The following GRID2IP variants were observed in gnomAD, a reference collection of about 807,000 sequenced individuals.
GRID2IP encodes the protein delphilin.
GRID2IP carries 78 observed loss-of-function variants against 114.3 expected under a neutral mutation model. The ratio of observed to expected loss-of-function variants is 0.68; its 90% CI spans 0.57 to 0.82. The LOEUF (loss-of-function observed/expected upper bound fraction) is 0.82. GRID2IP is among the 40% of genes least tolerant of loss of function. The probability of loss-of-function intolerance (pLI) is 0.00; values close to 1 mark genes in which losing one functional copy is unlikely to be tolerated. For synonymous variants in GRID2IP, 809 were observed against 724.0 expected (o/e 1.12, Z -1.89); for missense variants, 1,727 against 1,678.5 (o/e 1.03, Z -0.51).
intron 1 of GRID2IP, among the ~76,000 whole-genome samples, chr7:6,549,655 C>T (rs759465519): frequency 6.6e-6 from 1 of 152,150 alleles, no homozygotes; most frequent in Non-Finnish European, 1.5e-5. Flanking sequence ...GAGTCTCACT[C>T]TGTCACTCAG....
intron 1 of GRID2IP, among the ~76,000 whole-genome samples, chr7:6,549,580 G>A (rs1779937283): frequency 6.6e-6 from 1 of 152,202 alleles, no homozygotes; most frequent in African/African-American, 2.4e-5. Context: ...GGTTTTGTGG[G>A]GGCTTAGAAC....
In GRID2IP at chr7:6,508,028, C is replaced by A; in HGVS notation, c.2501G>T (p.Arg834Leu). ...TTCTGAGTTCTCCACCTGTTCCCAC[C>A]GCAAGCGCTTGACGCTCATGTGGCT... Reference protein sequence around the residue: ...ETSHMSVKRLRWEQVENSEGT... With the variant: ...ETSHMSVKRLLWEQVENSEGT... The change falls in exon 13 of 22, where the codon CGG becomes CTG. Residue 834 changes from arginine (R) to leucine (L), a missense_variant. By Grantham distance (102) the Arg-to-Leu change is moderately radical. Coordinates refer to ENST00000457091, the MANE Select transcript of GRID2IP (RefSeq NM_001145118.2). The surrounding 1 kb of genome is among the most constrained non-coding windows in gnomAD (Gnocchi z 5.6). The A allele has an allele frequency of 6.5e-7, 1 of 1,549,766 alleles. No individual in the cohort carries two copies. The highest frequency in any genetic ancestry group is 8.7e-7 in the Non-Finnish European group (1 of 1,146,778).
chr7:6,503,463 C>T, intron 16 of GRID2IP, 28 bp downstream of exon 16: 2 of 1,494,994 alleles, frequency 1.3e-6, no homozygotes, highest in Non-Finnish European at 1.8e-6. Flanking sequence ...CCGGCCGAGG[C>T]CTCGGGGCGG....
chr7:6,501,075 G>A (rs1310828597), intron 20 of GRID2IP, among the ~76,000 whole-genome samples: 2 of 152,248 alleles, frequency 1.3e-5, no homozygotes, highest in South Asian at 2.1e-4. Flanking sequence ...CCAGGGCTAA[G>A]CACAGTGGCT....
intron 18 of GRID2IP, 85 bp downstream of exon 18, chr7:6,502,701 C>T (rs1486855977): frequency 3.3e-6 from 3 of 896,970 alleles, no homozygotes; most frequent in Admixed American, 2.1e-5. Flanking sequence ...TCCTCTTCTG[C>T]CCTCTGCCAC....
At chr7:6,510,748 C>G in intron 9 of GRID2IP, 42 bp from the exon 10 acceptor site, 1 of 1,528,050 alleles carries the variant, frequency 6.5e-7, no homozygotes, top group East Asian at 2.5e-5. Flanking sequence ...AGCTCTACGG[C>G]TCAGGCCCCG....
chr7:6,510,746 G>A (rs1287625090), intron 9 of GRID2IP, 40 bp from the exon 10 acceptor site: 14 of 1,514,362 alleles, frequency 9.2e-6, no homozygotes, highest in South Asian at 4.8e-5. Flanking sequence ...TGAGCTCTAC[G>A]GCTCAGGCCC....
chr7:6,539,416 C>T (rs1451215727), intron 2 of GRID2IP, among the ~76,000 whole-genome samples: 1 of 152,178 alleles, frequency 6.6e-6, no homozygotes, highest in Non-Finnish European at 1.5e-5. Context: ...CAGCAGCCAC[C>T]ATGCCTGGCC....
At chr7:6,540,465 T>C (rs1255185233) in intron 1 of GRID2IP, among the ~76,000 whole-genome samples, 1 of 151,896 alleles carries the variant, frequency 6.6e-6, no homozygotes, top group Non-Finnish European at 1.5e-5. Context: ...CCTGGTCGCA[T>C]GGTTAGTATC....
In GRID2IP at chr7:6,519,158, C is replaced by T. The variant is rs1779367150; in HGVS notation, c.1268+1420G>A. Among the ~76,000 whole-genome samples, 1 of 151,906 alleles carries T rather than the reference C, an allele frequency of 6.6e-6. No homozygotes were observed. The highest frequency in any genetic ancestry group is 1.5e-5 in the Non-Finnish European group (1 of 67,978). On this transcript the variant is annotated intron_variant, in intron 7 of 21. Transcript: ENST00000457091. This position sits in a 1 kb window ranked among gnomAD's most constrained non-coding sequence, Gnocchi z 4.1. Reference sequence around the variant, plus strand: ...TTTTGAACTCCTGGGCTCAAGCGATCCTCCTGCCTCAGCCTCCCAAAGTGC... The same window carrying T: ...TTTTGAACTCCTGGGCTCAAGCGATTCTCCTGCCTCAGCCTCCCAAAGTGC...
At chr7:6,546,136 C>A (rs919400735) in intron 1 of GRID2IP, among the ~76,000 whole-genome samples, 3 of 151,596 alleles carry the variant, frequency 2.0e-5, no homozygotes, top group Admixed American at 6.6e-5. Context: ...AGGCAGAAAG[C>A]GCAGGCGAGA....
In GRID2IP at chr7:6,497,714, G is replaced by C. The variant is rs1786293879; in HGVS notation, c.*60C>G. ...TGGCCCCGGACCTCGGCAGTGTCTG[G>C]GCTGCCCTCTCGGCCTCCATCTCCC... is the stretch of plus-strand genomic sequence containing the variant. On this transcript the variant is annotated 3_prime_UTR_variant, in exon 22 of 22. Transcript: ENST00000457091. The C allele has an allele frequency of 7.6e-7, 1 of 1,308,328 alleles. No individual in the cohort carries two copies. Among genetic ancestry groups the C allele is most frequent in the African/African-American group, 1.5e-5 (1 of 68,184 alleles). 81.0% of individuals were successfully genotyped at this position (1,308,328 alleles called of 1,614,324 possible).
At chr7:6,498,995 A>T (rs1786339361) in intron 20 of GRID2IP, among the ~76,000 whole-genome samples, 1 of 152,214 alleles carries the variant, frequency 6.6e-6, no homozygotes, top group Non-Finnish European at 1.5e-5. Context: ...TCCAGGGCTT[A>T]GAATAGCATC....
Position 6,509,044 on chromosome 7 carries a change from G to T in GRID2IP, c.2041C>A (p.Arg681Ser). Residue 681 changes from arginine (R) to serine (S), a missense_variant, in exon 12 of 22, where the codon CGC becomes AGC. Physicochemically the swap from Arg to Ser is moderately radical, Grantham distance 110. Coordinates refer to ENST00000457091, the MANE Select transcript of GRID2IP (RefSeq NM_001145118.2). This position sits in a 1 kb window ranked among gnomAD's most constrained non-coding sequence, Gnocchi z 4.9. The stretch of plus-strand genomic sequence containing the variant: ...TGCTCGCTCAGCACGTCCAGGAAGC[G>T]GTCAGTATCGCGGCTTCGCACAGGG... ...SHPVRSRDTD[R>S]FLDVLSEQLG... 1 of 1,544,258 alleles carries T rather than the reference G, an allele frequency of 6.5e-7. No individual in the cohort carries two copies. The highest frequency in any genetic ancestry group is 8.7e-7 in the Non-Finnish European group (1 of 1,145,698).
chr7:6,502,210 T>A, intron 18 of GRID2IP, 92 bp from the exon 19 acceptor site: 23 of 1,261,128 alleles, frequency 1.8e-5, no homozygotes, highest in Non-Finnish European at 2.4e-5. Context: ...GTGGCATCAA[T>A]GATGAATTCT....
In GRID2IP at chr7:6,501,917, G is replaced by C; in HGVS notation, c.3281-18C>G. 6.4e-7 allele frequency: 1 copy of C among 1,550,636 alleles called. No homozygotes were observed. On this transcript the variant is annotated intron_variant, in intron 19 of 21. Transcript: ENST00000457091. ...TTGGTTCACTGTAGGGAAGAGGACA[G>C]GGGCTGCATGGGGCCACTCTCCCAG...
At position 6,536,204 on chromosome 7, in the gene GRID2IP, G is replaced by A. The variant is rs971219060; in HGVS notation, c.584+3514C>T. On this transcript the variant is annotated intron_variant, in intron 2 of 21. Coordinates refer to ENST00000457091, the MANE Select transcript of GRID2IP (RefSeq NM_001145118.2). The surrounding 1 kb of genome is among the most constrained non-coding windows in gnomAD (Gnocchi z 5.3). Reference sequence around the variant, plus strand: ...AGGGGGTTTGAAGAGGTGCGGGGTGGCTGAAGCCCTACTGCCAGGGTAACA... The same window carrying A: ...AGGGGGTTTGAAGAGGTGCGGGGTGACTGAAGCCCTACTGCCAGGGTAACA... Among the ~76,000 whole-genome samples, 5 of 152,266 alleles carry A rather than the reference G, an allele frequency of 3.3e-5. No homozygotes were observed. Among genetic ancestry groups the A allele is most frequent in the Non-Finnish European group, 7.4e-5 (5 of 68,006 alleles).
chr7:6,502,370 C>A (rs28631414), intron 18 of GRID2IP, among the ~76,000 whole-genome samples: 62,651 of 151,880 alleles, frequency 0.41, 13,294 homozygotes, highest in African/African-American at 0.48. Flanking sequence ...GACTACAGGC[C>A]TGTGACATGC....
chr7:6,539,430 G>A (rs1779779378), intron 2 of GRID2IP, among the ~76,000 whole-genome samples: 1 of 152,096 alleles, frequency 6.6e-6, no homozygotes, highest in African/African-American at 2.4e-5. Context: ...CCTGGCCAAG[G>A]TGGTGACTTT....
Sources: gnomAD v4.1 joint callset for allele counts (sites outside exome capture counted in the v4.1 genomes callset) on GRCh38, gnomAD v4.1.1 for gene constraint, Gnocchi (gnomAD v3.1) non-coding constraint, MANE v1.5 for transcripts, NCBI Gene and HGNC (gene_info 2026-07-23, HGNC 2026-07-21) for gene names.